Variants in CENPP observed in about 807,000 individuals in gnomAD.
CENPP encodes centromere protein P.
CENPP carries 24 observed loss-of-function variants against 35.6 expected under a neutral mutation model. That is an observed-to-expected ratio of 0.67 (90% confidence interval 0.49 to 0.95). The LOEUF (loss-of-function observed/expected upper bound fraction) is 0.95, where lower values mean the gene tolerates loss of function less well. Among genes scored for constraint, CENPP ranks in the 40% least tolerant of loss-of-function variants. The pLI is 0.00. For missense variants in CENPP, 332 were observed against 345.3 expected, an observed-to-expected ratio of 0.96 and a Z score of 0.31; for synonymous variants, 120 against 125.5, an observed-to-expected ratio of 0.96 and a Z score of 0.29.
chr9:92,427,663 A>G (rs1174161994), intron 5 of CENPP, among the ~76,000 whole-genome samples: 2 of 150,880 alleles, frequency 1.3e-5, no homozygotes, highest in Non-Finnish European at 1.5e-5. Context: ...TATTTTCAGT[A>G]GAGTCGGGGG....
At chr9:92,415,101 A>G (rs570743890) in intron 5 of CENPP, 2 of 1,331,156 alleles carry the variant, frequency 1.5e-6, no homozygotes, top group African/African-American at 2.9e-5. Context: ...GATTTACTAT[A>G]TTAAGTATAG....
chr9:92,364,074 T>G (rs937452728), intron 4 of CENPP, among the ~76,000 whole-genome samples: 2 of 152,112 alleles, frequency 1.3e-5, no homozygotes, highest in African/African-American at 4.8e-5. Flanking sequence ...GGTCTTGAAC[T>G]CCTGGGTTCA....
At chr9:92,444,267 T>C (rs778776260) in intron 5 of CENPP, among the ~76,000 whole-genome samples, 14 of 152,182 alleles carry the variant, frequency 9.2e-5, no homozygotes, top group Non-Finnish European at 1.5e-4. Context: ...CCCTGATGAT[T>C]AGTGATGCTA....
intron 5 of CENPP, among the ~76,000 whole-genome samples, chr9:92,458,856 A>G (rs919919563): frequency 6.6e-6 from 1 of 152,194 alleles, no homozygotes; most frequent in Admixed American, 6.5e-5. Flanking sequence ...TATTACATTC[A>G]TTTTGATGGT....
chr9:92,551,442 A>G (rs374829313), intron 5 of CENPP, among the ~76,000 whole-genome samples: 1 of 152,092 alleles, frequency 6.6e-6, no homozygotes, highest in Non-Finnish European at 1.5e-5. Context: ...GGCTCAAACA[A>G]TCCTCCCACC....
chr9:92,510,164 A>C (rs1267135704), intron 5 of CENPP: 3 of 936,078 alleles, frequency 3.2e-6, no homozygotes. Flanking sequence ...TGTCCAGGCC[A>C]CACAGCAAAC....
chr9:92,392,128 A>C (rs1842711269), intron 5 of CENPP, among the ~76,000 whole-genome samples: 1 of 152,122 alleles, frequency 6.6e-6, no homozygotes, highest in South Asian at 2.1e-4. Flanking sequence ...TGGTGTGCTT[A>C]TGGCAACACT....
In CENPP at chr9:92,611,120, G is replaced by A. The variant is rs537971538; in HGVS notation, c.565-194G>A. The A allele has an allele frequency of 1.5e-4, 90 of 616,654 alleles. 1 individual carries two copies. The highest frequency in any genetic ancestry group is 1.3e-3 in the African/African-American group (72 of 54,118). The allele number at this position is 616,654 out of a possible 1,614,324, so 38.2% of individuals were successfully genotyped here. A position where few individuals can be genotyped will look rare whatever the true frequency, so the allele number is the denominator to read the frequency against. On this transcript the variant is annotated intron_variant, in intron 5 of 7. Coordinates refer to ENST00000375587, the MANE Select transcript of CENPP (RefSeq NM_001012267.3). ...GAAGCAGCAGTCATGGGAGCCTGGA[G>A]GCTGTGGAGAGACCTACAGTGGGGC... is the stretch of plus-strand genomic sequence containing the variant.
intron 5 of CENPP, chr9:92,417,016 AG>A (rs1401087458): frequency 6.2e-7 from 1 of 1,613,966 alleles, no homozygotes; most frequent in Non-Finnish European, 8.5e-7. Flanking sequence ...GCCCATCCAT[AG>A]CATTTGTCTG....
intron 5 of CENPP, among the ~76,000 whole-genome samples, chr9:92,518,607 A>G (rs972539977): frequency 6.6e-6 from 1 of 152,184 alleles, no homozygotes; most frequent in African/African-American, 2.4e-5. Flanking sequence ...TTTGAAGTGT[A>G]TAATACTGTC....
At chr9:92,417,136 TG>T in intron 5 of CENPP, 1 of 1,613,848 alleles carries the variant, frequency 6.2e-7, no homozygotes. Context: ...GTAGTAGATT[TG>T]GAAGCTTAGC....
chr9:92,415,393 A>G, intron 5 of CENPP: 1 of 1,613,584 alleles, frequency 6.2e-7, no homozygotes, highest in Admixed American at 1.7e-5. Flanking sequence ...TGGTTCTTTT[A>G]GTTTATTTTG....
At chr9:92,436,362 ATCT>A (rs1325190570) in intron 5 of CENPP, among the ~76,000 whole-genome samples, 2 of 152,160 alleles carry the variant, frequency 1.3e-5, no homozygotes, top group African/African-American at 2.4e-5. Context: ...ATGCCTTTTC[ATCT>A]TCTTATCAGC....
chr9:92,438,660 G>C (rs59633583), intron 5 of CENPP, among the ~76,000 whole-genome samples: 4,656 of 152,260 alleles, frequency 0.031, 253 homozygotes, highest in African/African-American at 0.11. Context: ...CATTTAAACT[G>C]CTTCATTTTT....
chr9:92,435,278 C>T (rs1009700768), intron 5 of CENPP, among the ~76,000 whole-genome samples: 5 of 152,112 alleles, frequency 3.3e-5, no homozygotes, highest in Admixed American at 1.3e-4. Flanking sequence ...AAACCATTCT[C>T]AAGTGGGCCC....
chr9:92,416,195 G>A (rs931575839), intron 5 of CENPP, among the ~76,000 whole-genome samples: 1 of 151,060 alleles, frequency 6.6e-6, no homozygotes, highest in African/African-American at 2.4e-5. Flanking sequence ...CGATTCCTGG[G>A]TTCAAGCAAC....
intron 5 of CENPP, chr9:92,522,840 A>C: frequency 6.2e-7 from 1 of 1,606,558 alleles, no homozygotes; most frequent in Non-Finnish European, 8.5e-7. Context: ...TAAGCAGAAA[A>C]AAACAAAACA....
chr9:92,586,033 C>T (rs1850531009), intron 5 of CENPP, among the ~76,000 whole-genome samples: 1 of 151,892 alleles, frequency 6.6e-6, no homozygotes, highest in South Asian at 2.1e-4. Flanking sequence ...GAAGTGGTAG[C>T]ATCTGTAGAA....
intron 5 of CENPP, among the ~76,000 whole-genome samples, chr9:92,407,543 A>G (rs956024158): frequency 1.3e-5 from 2 of 152,220 alleles, no homozygotes; most frequent in African/African-American, 2.4e-5. Context: ...CTACAGGAGT[A>G]AAAGATGAAA....
Sources: gnomAD v4.1 joint callset for allele counts (sites outside exome capture counted in the v4.1 genomes callset) on GRCh38, gnomAD v4.1.1 for gene constraint, MANE v1.5 for transcripts, NCBI Gene and HGNC (gene_info 2026-07-23, HGNC 2026-07-21) for gene names.